Variants in RUFY3 observed in about 807,000 individuals in gnomAD.
RUFY3 encodes the protein protein RUFY3.
RUFY3 carries 34 observed loss-of-function variants against 84.0 expected under a neutral mutation model. That is an observed-to-expected ratio of 0.40 (90% CI 0.31 to 0.54). The LOEUF (loss-of-function observed/expected upper bound fraction) is 0.54, where lower values mean the gene tolerates loss of function less well. Among genes scored for constraint, RUFY3 ranks in the 20% least tolerant of loss-of-function variants. The pLI is 0.39. For synonymous variants in RUFY3, 242 were observed against 252.9 expected (o/e 0.96, Z 0.41); for missense variants, 507 against 736.8 (o/e 0.69, Z 3.61).
chr4:70,794,831 A>C lies in RUFY3; in HGVS notation c.1494A>C (p.Glu498Asp). ...QLELELKQEK[E>D]RRLQNDRSIP... ...AGTTAGAACTAAAACAGGAAAAAGA[A>C]AGAAGATTACAAAACGACAGGAGCA... The change falls in exon 14 of 18, where the codon GAA becomes GAC. Residue 498 changes from glutamate to aspartate, a missense_variant. Transcript: ENST00000381006. 1 of 1,613,326 alleles carries C rather than the reference A, an allele frequency of 6.2e-7. No individual in the cohort carries two copies. The highest frequency in any genetic ancestry group is 8.5e-7 in the Non-Finnish European group (1 of 1,179,650).
intron 1 of RUFY3, among the ~76,000 whole-genome samples, chr4:70,749,061 G>A (rs1722683188): frequency 6.6e-6 from 1 of 151,996 alleles, no homozygotes; most frequent in Non-Finnish European, 1.5e-5. Flanking sequence ...CATTTACATT[G>A]TTTTTCTTTT....
At chr4:70,792,329 A>AG (rs2148803482) in intron 12 of RUFY3, 1 of 974,610 alleles carries the variant, frequency 1.0e-6, no homozygotes. Flanking sequence ...TTGAATTATT[A>AG]GAAAAACATT....
At chr4:70,763,469 TTGTGTGTGTATG>T (rs1455104851) in intron 2 of RUFY3, 71 bp from the exon 3 acceptor site, 6 of 938,734 alleles carry the variant, frequency 6.4e-6, no homozygotes, top group African/African-American at 3.4e-5. Context: ...TCCTGAAAAG[TTGTGTGTGTATG>T]TGTGTGTGTA....
intron 5 of RUFY3, among the ~76,000 whole-genome samples, chr4:70,770,062 T>C (rs977747319): frequency 6.6e-6 from 1 of 152,204 alleles, no homozygotes; most frequent in African/African-American, 2.4e-5. Context: ...CCTCAAGTGA[T>C]CTGCCTGCCT....
chr4:70,789,666 G>A (rs544894847), intron 12 of RUFY3, 74 bp downstream of exon 12: 162 of 1,500,384 alleles, frequency 1.1e-4, no homozygotes, highest in Admixed American at 5.8e-4. Context: ...CTGTACATTC[G>A]GCAAATAGAA....
intron 1 of RUFY3, among the ~76,000 whole-genome samples, chr4:70,714,461 C>T (rs1457436853): frequency 6.6e-6 from 1 of 152,110 alleles, no homozygotes; most frequent in Admixed American, 6.6e-5. Flanking sequence ...CTTCTGCATC[C>T]CTAGCATATG....
At chr4:70,800,891 A>G (rs1293248226) in intron 15 of RUFY3, among the ~76,000 whole-genome samples, 2 of 152,166 alleles carry the variant, frequency 1.3e-5, no homozygotes, top group African/African-American at 4.8e-5. Context: ...CAAATAAAAA[A>G]AAAAGTTCAA....
In RUFY3 at chr4:70,808,285, A is replaced by G. The variant is rs1160410523; in HGVS notation, c.*1626A>G. Among the ~76,000 whole-genome samples the G allele has an allele frequency of 4.7e-5, 7 of 148,324 alleles. 1 individual carries two copies. The highest frequency in any genetic ancestry group is 2.7e-4 in the Admixed American group (4 of 14,970). ...GAGGGCTGACTGTACTTACTTACAT[A>G]TCTATCTATCTTTGAGTAACAAACT... is the stretch of plus-strand genomic sequence containing the variant. On this transcript the variant is annotated 3_prime_UTR_variant, in exon 18 of 18. Transcript: ENST00000381006.
At chr4:70,798,199 C>T (rs1209378203) in intron 14 of RUFY3, among the ~76,000 whole-genome samples, 2 of 152,076 alleles carry the variant, frequency 1.3e-5, no homozygotes, top group East Asian at 3.9e-4. Context: ...AAGACCTCAT[C>T]TCTACAAAAA....
At chr4:70,756,662 C>G (rs945939206) in intron 1 of RUFY3, among the ~76,000 whole-genome samples, 2 of 152,164 alleles carry the variant, frequency 1.3e-5, no homozygotes. Flanking sequence ...ACTCAAAAGT[C>G]TCATCCTCTG....
intron 2 of RUFY3, among the ~76,000 whole-genome samples, chr4:70,763,275 C>G (rs912997466): frequency 6.6e-6 from 1 of 152,002 alleles, no homozygotes; most frequent in African/African-American, 2.4e-5. Flanking sequence ...TTCATTAATA[C>G]CACACAATTT....
At chr4:70,724,781 C>G (rs1717948762) in intron 1 of RUFY3, among the ~76,000 whole-genome samples, 1 of 152,222 alleles carries the variant, frequency 6.6e-6, no homozygotes, top group Non-Finnish European at 1.5e-5. Context: ...GTGAGTATTA[C>G]TGCCTTGCTC....
intron 1 of RUFY3, among the ~76,000 whole-genome samples, chr4:70,712,224 T>C (rs546433370): frequency 6.6e-6 from 1 of 152,350 alleles, no homozygotes; most frequent in South Asian, 2.1e-4. Flanking sequence ...ATAATACTAC[T>C]ACTAGTGGCC....
chr4:70,766,179 C>A (rs1725878066), intron 4 of RUFY3, among the ~76,000 whole-genome samples: 1 of 152,130 alleles, frequency 6.6e-6, no homozygotes, highest in African/African-American at 2.4e-5. Flanking sequence ...AAATTGATTG[C>A]AGTGTTGTTT....
chr4:70,749,865 C>G (rs1220873977), intron 1 of RUFY3, among the ~76,000 whole-genome samples: 1 of 151,988 alleles, frequency 6.6e-6, no homozygotes, highest in African/African-American at 2.4e-5. Flanking sequence ...GTTGCCTAGC[C>G]TGGTCTTGAC....
intron 5 of RUFY3, among the ~76,000 whole-genome samples, chr4:70,769,251 G>A (rs1726531134): frequency 6.6e-6 from 1 of 152,038 alleles, no homozygotes; most frequent in Non-Finnish European, 1.5e-5. Context: ...ACTTAAGCTT[G>A]GGAAGTCGAG....
intron 1 of RUFY3, among the ~76,000 whole-genome samples, chr4:70,756,093 C>G (rs1428714715): frequency 1.3e-5 from 2 of 152,140 alleles, no homozygotes; most frequent in African/African-American, 4.8e-5. Flanking sequence ...GCACCATCGT[C>G]CATCTAATCG....
intron 10 of RUFY3, 51 bp downstream of exon 10, chr4:70,784,930 G>A (rs1191198725): frequency 2.3e-6 from 3 of 1,306,522 alleles, no homozygotes; most frequent in Admixed American, 2.4e-5. Context: ...AAAGGTAACT[G>A]CCCACTTAGA....
intron 1 of RUFY3, among the ~76,000 whole-genome samples, chr4:70,711,243 A>G (rs1046793941): frequency 1.3e-5 from 2 of 151,972 alleles, no homozygotes; most frequent in African/African-American, 4.8e-5. Flanking sequence ...ACAGGCATGA[A>G]CCACCATGTC....
Sources: gnomAD v4.1 joint callset for allele counts (sites outside exome capture counted in the v4.1 genomes callset) on GRCh38, gnomAD v4.1.1 for gene constraint, MANE v1.5 for transcripts, NCBI Gene and HGNC (gene_info 2026-07-23, HGNC 2026-07-21) for gene names.